CSGALNACT1: variants seen among roughly 807,000 people sequenced by gnomAD.
CSGALNACT1 encodes the protein chondroitin sulfate N-acetylgalactosaminyltransferase 1, also known as beta4GalNAcT-1.
A neutral mutation model predicts 51.0 loss-of-function variants in CSGALNACT1; 52 were observed. The ratio of observed to expected loss-of-function variants is 1.02; its 90% CI spans 0.82 to 1.29. The LOEUF is 1.29. CSGALNACT1 is among the 50% of genes most tolerant of loss of function. CSGALNACT1 has a pLI of 0.00. For synonymous variants in CSGALNACT1, 341 were observed against 254.4 expected (o/e 1.34, Z -3.24); for missense variants, 935 against 679.2 (o/e 1.38, Z -4.19).
intron 2 of CSGALNACT1, among the ~76,000 whole-genome samples, chr8:19,599,195 C>T (rs1407694710): frequency 6.6e-6 from 1 of 151,812 alleles, no homozygotes; most frequent in African/African-American, 2.4e-5. Flanking sequence ...CATCAGGGGA[C>T]AGGAGCATGG....
rs146285119 is a variant in CSGALNACT1, at chr8:19,651,389, T to C, written c.-544+31084A>G. Among the ~76,000 whole-genome samples the C allele has an allele frequency of 4.1e-4, 63 of 152,290 alleles. 1 individual carries two copies. The East Asian group carries it at 0.011, about 26-fold the overall frequency. On this transcript the variant is annotated intron_variant, in intron 1 of 9. Transcript: ENST00000332246. ...CCAAGGTAACAAGGCTCGCACCCAA[T>C]AGTTTTTTTATCTTCATCTTCCACC...
At chr8:19,437,503 T>A (rs1190460163) in intron 6 of CSGALNACT1, among the ~76,000 whole-genome samples, 1 of 151,948 alleles carries the variant, frequency 6.6e-6, no homozygotes, top group Non-Finnish European at 1.5e-5. Flanking sequence ...CTAGGAGAGG[T>A]GGCCTGACCA....
chr8:19,509,621 CAAAAA>C lies in CSGALNACT1; in HGVS notation c.-296-3496_-296-3492del, dbSNP rs755422032. ...TGGGCAACAGTGCAAGACTCTGTCTCAAAAAAAAAAAAAAAAAAAAAAAAAAATGG... is the reference window on the plus strand; with the variant it reads ...TGGGCAACAGTGCAAGACTCTGTCTCAAAAAAAAAAAAAAAAAAAAAATGG... On this transcript the variant is annotated intron_variant, in intron 3 of 9. Coordinates refer to ENST00000454498, the Ensembl canonical transcript of CSGALNACT1. Among the ~76,000 whole-genome samples the C allele has an allele frequency of 6.3e-3, 357 of 56,976 alleles. 5 individuals are homozygous for C. Among genetic ancestry groups the C allele is most frequent in the African/African-American group, 0.021 (342 of 16,282 alleles). 37.4% of individuals were successfully genotyped at this position (56,976 alleles called of 152,430 possible). A position where few individuals can be genotyped will look rare whatever the true frequency, so the allele number is the denominator to read the frequency against.
rs148793294 is a variant in CSGALNACT1 at position 19,679,219 on chromosome 8, G to C, written c.-544+3254C>G. Among the ~76,000 whole-genome samples the C allele has an allele frequency of 8.7e-3, 1,318 of 152,240 alleles. 24 individuals are homozygous for C. Among genetic ancestry groups the C allele is most frequent in the African/African-American group, 0.03 (1,254 of 41,522 alleles). ...TCTTATCCCAGCACTTTGGGAGGCC[G>C]AGTAACGTGGATCGCTTGAGCTCAG... On this transcript the variant is annotated intron_variant, in intron 1 of 9. Coordinates refer to the CSGALNACT1 transcript ENST00000332246.
chr8:19,664,010 G>A (rs1368319909), intron 1 of CSGALNACT1, among the ~76,000 whole-genome samples: 6 of 152,116 alleles, frequency 3.9e-5, no homozygotes, highest in Non-Finnish European at 8.8e-5. Flanking sequence ...CAGACAGGCC[G>A]ACTCCCAGCT....
At chr8:19,514,484 T>C (rs1195209237) in intron 3 of CSGALNACT1, among the ~76,000 whole-genome samples, 1 of 79,842 alleles carries the variant, frequency 1.3e-5, no homozygotes, top group Non-Finnish European at 2.7e-5. Flanking sequence ...ACTATATATA[T>C]ATATATATAT....
chr8:19,578,370 G>A (rs986914102), intron 3 of CSGALNACT1, among the ~76,000 whole-genome samples: 2 of 152,146 alleles, frequency 1.3e-5, no homozygotes, highest in African/African-American at 4.8e-5. Flanking sequence ...CATCCTTCCT[G>A]TACTTAGGAA....
chr8:19,600,591 T>C (rs1283430992), intron 2 of CSGALNACT1, among the ~76,000 whole-genome samples: 2 of 152,194 alleles, frequency 1.3e-5, no homozygotes, highest in African/African-American at 4.8e-5. Flanking sequence ...TCTTAACCAC[T>C]TGACTTTCTA....
intron 3 of CSGALNACT1, among the ~76,000 whole-genome samples, chr8:19,566,027 G>A (rs535336625): frequency 6.6e-6 from 1 of 152,204 alleles, no homozygotes; most frequent in Non-Finnish European, 1.5e-5. Flanking sequence ...TTGTAAATAG[G>A]ATGGCTGGTG....
rs2154181226 is a variant in CSGALNACT1, at chr8:19,647,472, G to A, written c.-544+35001C>T. On this transcript the variant is annotated intron_variant, in intron 1 of 9. Coordinates refer to the CSGALNACT1 transcript ENST00000332246. ...GTGGCCATGTGTTTATCTGTATCTT[G>A]GCATGTTATTTTTGCTCCTCCTCTT... 2.0e-5 allele frequency among the ~76,000 whole-genome samples: 3 copies of A among 152,266 alleles called. 1 individual carries two copies. The highest frequency in any genetic ancestry group is 6.8e-3 in the Middle Eastern group (2 of 294).
intron 1 of CSGALNACT1, among the ~76,000 whole-genome samples, chr8:19,701,807 T>C (rs1434463856): frequency 6.6e-6 from 1 of 152,182 alleles, no homozygotes; most frequent in Admixed American, 6.5e-5. Context: ...CGACTTTCAA[T>C]CCACTCAATC....
chr8:19,704,291 T>A (rs866140311), intron 1 of CSGALNACT1, among the ~76,000 whole-genome samples: 2 of 152,224 alleles, frequency 1.3e-5, no homozygotes, highest in African/African-American at 4.8e-5. Context: ...ATTATATTGT[T>A]AGATGGAGAA....
At chr8:19,677,852 G>A (rs150504749) in intron 1 of CSGALNACT1, among the ~76,000 whole-genome samples, 2 of 152,034 alleles carry the variant, frequency 1.3e-5, no homozygotes, top group Non-Finnish European at 2.9e-5. Flanking sequence ...GAATGTTAAA[G>A]GTCACAGATG....
At chr8:19,422,289 A>T (rs928515218) in intron 6 of CSGALNACT1, among the ~76,000 whole-genome samples, 2 of 152,156 alleles carry the variant, frequency 1.3e-5, no homozygotes, top group Non-Finnish European at 2.9e-5. Context: ...TCCTGGGCTC[A>T]AGCAATCCTC....
intron 4 of CSGALNACT1, among the ~76,000 whole-genome samples, chr8:19,482,681 G>T (rs1487114809): frequency 6.6e-6 from 1 of 152,036 alleles, no homozygotes; most frequent in Non-Finnish European, 1.5e-5. Flanking sequence ...ATAATTGTGG[G>T]TGGTCCTCAA....
intron 4 of CSGALNACT1, 74 bp downstream of exon 3, chr8:19,505,127 C>G: frequency 6.4e-7 from 1 of 1,574,336 alleles, no homozygotes; most frequent in Admixed American, 1.7e-5. Context: ...CCTCCTGGAG[C>G]TGGAACCTGC....
At position 19,525,792 on chromosome 8, in the gene CSGALNACT1, C is replaced by A. The variant is rs1365567490; in HGVS notation, c.-296-19662G>T. Among the ~76,000 whole-genome samples, 3 of 152,096 alleles carry A rather than the reference C, an allele frequency of 2.0e-5. No individual in the cohort carries two copies. The East Asian group carries it at 5.8e-4, about 29-fold the overall frequency. On this transcript the variant is annotated intron_variant, in intron 3 of 9. Transcript: ENST00000454498. ...GTCCTAGTCTACAGAGGCACAACCT[C>A]TGAACTGAGGCCCTAGAACCAGCAC...
intron 1 of CSGALNACT1, among the ~76,000 whole-genome samples, chr8:19,639,011 TAA>T (rs2056432688): frequency 6.6e-6 from 1 of 152,138 alleles, no homozygotes; most frequent in African/African-American, 2.4e-5. Flanking sequence ...GGCTCACCAA[TAA>T]AGAGGTATAT....
chr8:19,456,436 G>A (rs989386346), intron 5 of CSGALNACT1, among the ~76,000 whole-genome samples: 1 of 152,214 alleles, frequency 6.6e-6, no homozygotes, highest in Non-Finnish European at 1.5e-5. Flanking sequence ...CTAGAAATGG[G>A]CATTCTAGCT....
Sources: allele counts gnomAD v4.1 joint callset (sites outside exome capture counted in the v4.1 genomes callset), GRCh38; gene constraint gnomAD v4.1.1; transcripts MANE v1.5; gene names NCBI Gene and HGNC (gene_info 2026-07-23, HGNC 2026-07-21).